The following RPS21 variants were observed in gnomAD, a reference collection of about 807,000 sequenced individuals.
RPS21 encodes the protein small ribosomal subunit protein eS21.
A neutral mutation model predicts 14.5 loss-of-function variants in RPS21; 6 were observed. The ratio of observed to expected loss-of-function variants is 0.41; its 90% CI spans 0.23 to 0.82. RPS21 has a LOEUF of 0.82. Among genes scored for constraint, RPS21 ranks in the 40% least tolerant of loss-of-function variants. The probability of loss-of-function intolerance (pLI) is 0.31; values close to 1 mark genes in which losing one functional copy is unlikely to be tolerated. For missense variants in RPS21, 85 were observed against 115.0 expected, an observed-to-expected ratio of 0.74 and a Z score of 1.19; for synonymous variants, 61 against 42.6, an observed-to-expected ratio of 1.43 and a Z score of -1.69.
rs775666457 is a variant in RPS21, at chr20:62,387,337, A to G, written c.-2A>G. The G allele has an allele frequency of 2.5e-6, 4 of 1,600,952 alleles. No homozygotes were observed. In the South Asian group the frequency reaches 4.5e-5, roughly 18 times the overall value. On this transcript the variant is annotated 5_prime_UTR_variant, in exon 2 of 6. Transcript: ENST00000343986. ...ACTCCCCAGGCGCAGCCCAGCCTCGAAATGCAGAACGACGCCGGCGAGTTC... is the reference window on the plus strand; with the variant it reads ...ACTCCCCAGGCGCAGCCCAGCCTCGGAATGCAGAACGACGCCGGCGAGTTC...
At position 62,388,501 on chromosome 20, in the gene RPS21, A is replaced by T. The variant is rs200506514; in HGVS notation, c.*35A>T. 2 of 1,609,778 alleles carry T rather than the reference A, an allele frequency of 1.2e-6. No individual in the cohort carries two copies. The highest frequency in any genetic ancestry group is 2.7e-5 in the African/African-American group (2 of 74,990). On this transcript the variant is annotated 3_prime_UTR_variant, in exon 6 of 6. Transcript: ENST00000343986. ...ATCACAGATGTGGAATATTTGTCATAAATAAATAATGAAAACCTACCTGTG... is the reference window on the plus strand; with the variant it reads ...ATCACAGATGTGGAATATTTGTCATTAATAAATAATGAAAACCTACCTGTG...
Position 62,387,128 on chromosome 20 carries a change from T to TGGCAGCAGGTGTGGC in RPS21, c.-25_-19+8dup, listed in dbSNP as rs1339093757. 11 of 477,844 alleles carry TGGCAGCAGGTGTGGC rather than the reference T, an allele frequency of 2.3e-5. No homozygotes were observed. The highest frequency in any genetic ancestry group is 4.4e-5 in the Admixed American group (1 of 22,800). The allele number at this position is 477,844 out of a possible 1,614,324, so 29.6% of individuals were successfully genotyped here. A position where few individuals can be genotyped will look rare whatever the true frequency, so the allele number is the denominator to read the frequency against. ...CCTTTCTCTCTCGCGCGCGGTGTGG[T>TGGCAGCAGGTGTGGC]GGCAGCAGGTGTGGCGCGCGGCGCG... On this transcript the variant is annotated 5_prime_UTR_variant, in exon 1 of 6. Transcript: ENST00000343986.
rs768858886 is a variant in RPS21 at position 62,387,412 on chromosome 20, C to A, written c.50+24C>A. On this transcript the variant is annotated intron_variant, in intron 2 of 5. Transcript: ENST00000343986. The stretch of plus-strand genomic sequence containing the variant: ...TGGTAAGCGCCCCCCACATGCCTCT[C>A]TTCCGTCCTTACCTAACCACCACGT... 31 of 1,607,788 alleles carry A rather than the reference C, an allele frequency of 1.9e-5. 1 individual carries two copies. The South Asian group carries it at 2.4e-4, about 13-fold the overall frequency.
In RPS21 at chr20:62,387,104, C is replaced by T. The variant is rs567632460; in HGVS notation, c.-51C>T. On this transcript the variant is annotated 5_prime_UTR_variant, in exon 1 of 6. Transcript: ENST00000343986. ...TCTCTGCCGGGTGACTAGCTGCTTC[C>T]TTTCTCTCTCGCGCGCGGTGTGGTG... The T allele has an allele frequency of 7.9e-4, 370 of 469,354 alleles. 1 individual carries two copies. The highest frequency in any genetic ancestry group is 1.5e-3 in the Admixed American group (34 of 22,724). The allele number at this position is 469,354 out of a possible 1,614,324, so 29.1% of individuals were successfully genotyped here.
Position 62,388,309 on chromosome 20 carries a change from G to A in RPS21, c.187G>A (p.Gly63Ser). The A allele has an allele frequency of 6.3e-7, 1 of 1,587,592 alleles. No individual in the cohort carries two copies. The highest frequency in any genetic ancestry group is 1.2e-5 in the South Asian group (1 of 85,576). Reference protein sequence around the residue: ...YAICGAIRRMGESDDSILRLA... With the variant: ...YAICGAIRRMSESDDSILRLA... ...AGTGTGCTTTTTTTTTTTTCTTAAG[G>A]GTGAGTCAGATGATTCCATTCTCCG... Residue 63 changes from glycine to serine, a missense_variant and splice_region_variant, in exon 5 of 6, where the codon GGT (glycine) becomes AGT (serine). Coordinates refer to ENST00000343986, the MANE Select transcript of RPS21 (RefSeq NM_001024.4).
chr20:62,387,230 C>A, intron 1 of RPS21, 91 bp from the exon 2 acceptor site: 1 of 904,144 alleles, frequency 1.1e-6, no homozygotes, highest in Non-Finnish European at 1.7e-6. Context: ...GTGCTGGGTG[C>A]GGCTGGGGCC....
At position 62,387,677 on chromosome 20, in the gene RPS21, G is replaced by A; in HGVS notation, c.114+3G>A. 3 of 1,614,150 alleles carry A rather than the reference G, an allele frequency of 1.9e-6. No homozygotes were observed. Among genetic ancestry groups the A allele is most frequent in the African/African-American group, 1.3e-5 (1 of 75,066 alleles). ...CCATCCAGATGAACGTGGCCGAGGT[G>A]AGCTGGGAGCCCGGGAGGCGGGAAG... On this transcript the variant is annotated splice_donor_region_variant and intron_variant, in intron 3 of 5. Coordinates refer to ENST00000343986, the MANE Select transcript of RPS21 (RefSeq NM_001024.4).
At chr20:62,387,439 C>A in intron 2 of RPS21, 51 bp downstream of exon 2, 1 of 1,601,258 alleles carries the variant, frequency 6.2e-7, no homozygotes, top group Non-Finnish European at 8.5e-7. Context: ...CCACCACGTC[C>A]CCTCGCCTGC....
chr20:62,387,572 G>A, intron 2 of RPS21, 39 bp from the exon 3 acceptor site: 1 of 1,597,518 alleles, frequency 6.3e-7, no homozygotes, highest in Non-Finnish European at 8.6e-7. Context: ...CATTCTTACC[G>A]CCCAAGTCCC....
At position 62,388,246 on chromosome 20, in the gene RPS21, C is replaced by T. The variant is rs184821228; in HGVS notation, c.187-63C>T. ...GACGTGGGCTGGTGGCACAGCTGACCTTCTGCCATCTCAGGCAGCCGGAGT... is the reference window on the plus strand; with the variant it reads ...GACGTGGGCTGGTGGCACAGCTGACTTTCTGCCATCTCAGGCAGCCGGAGT... On this transcript the variant is annotated intron_variant, in intron 4 of 5. Coordinates refer to ENST00000343986, the MANE Select transcript of RPS21 (RefSeq NM_001024.4). 4.0e-4 allele frequency: 618 copies of T among 1,539,754 alleles called. 1 individual carries two copies. The African/African-American group carries it at 6.5e-3, about 16-fold the overall frequency.
rs146372331 is a variant in RPS21, at chr20:62,388,066, G to A, written c.186+152G>A. ...GGCCGCCTGCCGCTTCTTGAGGGTG[G>A]AAGAGGGGTGCTCTGAGAAGACACT... On this transcript the variant is annotated intron_variant, in intron 4 of 5. Transcript: ENST00000343986. 8.1e-4 allele frequency: 1,262 copies of A among 1,559,286 alleles called. 8 individuals are homozygous for A. The Middle Eastern group carries it at 8.4e-3, about 10-fold the overall frequency.
chr20:62,387,481 C>G (rs545166793), intron 2 of RPS21, 93 bp downstream of exon 2: 1 of 1,588,390 alleles, frequency 6.3e-7, no homozygotes, highest in Non-Finnish European at 8.6e-7. Flanking sequence ...CCGTCCTTAC[C>G]TCGTCACGTC....
chr20:62,387,892 T>C lies in RPS21; in HGVS notation c.164T>C (p.Ile55Thr). Residue 55 changes from isoleucine (I) to threonine (T), a missense_variant, in exon 4 of 6, where the codon ATC (isoleucine) becomes ACC (threonine). Physicochemically the swap from Ile to Thr is moderately conservative, Grantham distance 89. Coordinates refer to ENST00000343986, the MANE Select transcript of RPS21 (RefSeq NM_001024.4). ...AATGGCCAGTTTAAAACTTATGCTA[T>C]CTGCGGGGCCATTCGTAGGATGGTG... ...RFNGQFKTYA[I>T]CGAIRRMGES... is the part of the protein sequence containing the mutation. 6.2e-7 allele frequency: 1 copy of C among 1,614,198 alleles called. No individual in the cohort carries two copies. Among genetic ancestry groups the C allele is most frequent in the Non-Finnish European group, 8.5e-7 (1 of 1,180,038 alleles).
Position 62,387,876 on chromosome 20 carries a change from T to C in RPS21, c.148T>C (p.Phe50Leu). 7 of 1,614,162 alleles carry C rather than the reference T, an allele frequency of 4.3e-6. No homozygotes were observed. The highest frequency in any genetic ancestry group is 5.9e-6 in the Non-Finnish European group (7 of 1,180,038). Residue 50 changes from phenylalanine to leucine, a missense_variant, in exon 4 of 6, where the codon TTT becomes CTT. Coordinates refer to ENST00000343986, the MANE Select transcript of RPS21 (RefSeq NM_001024.4). ...DKVTGRFNGQ[F>L]KTYAICGAIR... ...GGTCACAGGCAGGTTTAATGGCCAG[T>C]TTAAAACTTATGCTATCTGCGGGGC...
rs1201501381 is a variant in RPS21, at chr20:62,387,145, C to T, written c.-19+9C>T. The T allele has an allele frequency of 6.0e-6, 3 of 496,310 alleles. No individual in the cohort carries two copies. Among genetic ancestry groups the T allele is most frequent in the East Asian group, 7.1e-5 (2 of 28,174 alleles). 30.7% of individuals were successfully genotyped at this position (496,310 alleles called of 1,614,324 possible). On this transcript the variant is annotated intron_variant, in intron 1 of 5. Transcript: ENST00000343986. ...CGGTGTGGTGGCAGCAGGTGTGGCG[C>T]GCGGCGCGGGCTTCGGGCTCAGGGC...
Position 62,387,682 on chromosome 20 carries a change from G to A in RPS21, c.114+8G>A. 1 of 1,614,108 alleles carries A rather than the reference G, an allele frequency of 6.2e-7. No individual in the cohort carries two copies. The highest frequency in any genetic ancestry group is 2.2e-5 in the East Asian group (1 of 44,878). On this transcript the variant is annotated splice_region_variant and intron_variant, in intron 3 of 5. Transcript: ENST00000343986. ...CAGATGAACGTGGCCGAGGTGAGCT[G>A]GGAGCCCGGGAGGCGGGAAGGTTGT...
rs891907449 is a variant in RPS21, at chr20:62,387,146, G to C, written c.-19+10G>C. The stretch of plus-strand genomic sequence containing the variant: ...GGTGTGGTGGCAGCAGGTGTGGCGC[G>C]CGGCGCGGGCTTCGGGCTCAGGGCT... On this transcript the variant is annotated intron_variant, in intron 1 of 5. Coordinates refer to ENST00000343986, the MANE Select transcript of RPS21 (RefSeq NM_001024.4). The C allele has an allele frequency of 2.0e-6, 1 of 495,998 alleles. No individual in the cohort carries two copies. Among genetic ancestry groups the C allele is most frequent in the Middle Eastern group, 5.2e-4 (1 of 1,910 alleles). The allele number at this position is 495,998 out of a possible 1,614,324, so 30.7% of individuals were successfully genotyped here.
intron 5 of RPS21, 27 bp from the exon 6 acceptor site, chr20:62,388,430 A>AAC (rs1220666011): frequency 6.2e-7 from 1 of 1,613,818 alleles, no homozygotes; most frequent in Non-Finnish European, 8.5e-7. Flanking sequence ...GCGTGGTCTT[A>AAC]ACGTTGTCCT....
rs1439559690 is a variant in RPS21, at chr20:62,387,927, C to G, written c.186+13C>G. 6.2e-7 allele frequency: 1 copy of G among 1,614,216 alleles called. No individual in the cohort carries two copies. Among genetic ancestry groups the G allele is most frequent in the Non-Finnish European group, 8.5e-7 (1 of 1,180,042 alleles). ...CATTCGTAGGATGGTGAGTGTTTCC[C>G]TGGGCTTTGCTCATCACTTCGGGAC... On this transcript the variant is annotated intron_variant, in intron 4 of 5. Coordinates refer to ENST00000343986, the MANE Select transcript of RPS21 (RefSeq NM_001024.4).
Sources: allele counts gnomAD v4.1 joint callset, GRCh38; gene constraint gnomAD v4.1.1; transcripts MANE v1.5; gene names NCBI Gene and HGNC (gene_info 2026-07-23, HGNC 2026-07-21).